Variants in COL11A1 observed in about 807,000 individuals in gnomAD.
COL11A1 encodes collagen alpha-1(XI) chain.
In COL11A1, 74 loss-of-function variants were observed where a neutral mutation model predicts 265.2. That is an observed-to-expected ratio of 0.28 (90% CI 0.23 to 0.34). The LOEUF (loss-of-function observed/expected upper bound fraction) is 0.34, where lower values mean the gene tolerates loss of function less well. Among genes scored for constraint, COL11A1 ranks in the 10% least tolerant of loss-of-function variants. The pLI is 1.00. For synonymous variants in COL11A1, 816 were observed against 727.6 expected, an observed-to-expected ratio of 1.12 and a Z score of -1.96; for missense variants, 2,165 against 2,263.6, an observed-to-expected ratio of 0.96 and a Z score of 0.88.
At chr1:102,920,896 T>C (rs1014460931) in intron 48 of COL11A1, among the ~76,000 whole-genome samples, 5 of 152,086 alleles carry the variant, frequency 3.3e-5, no homozygotes, top group African/African-American at 1.2e-4. Context: ...ACCAGAGACA[T>C]GAAGGAAACA....
intron 15 of COL11A1, 28 bp from the exon 16 acceptor site, chr1:103,006,343 T>G: frequency 1.3e-6 from 2 of 1,583,008 alleles, no homozygotes; most frequent in Non-Finnish European, 8.7e-7. Context: ...AATTAAACCA[T>G]ATTATAGAAT....
At chr1:102,884,179 T>C (rs1447041361) in intron 63 of COL11A1, among the ~76,000 whole-genome samples, 7 of 152,280 alleles carry the variant, frequency 4.6e-5, no homozygotes, top group Middle Eastern at 3.4e-3. Context: ...CTGTCTCTCA[T>C]CCCTCATTCT....
intron 30 of COL11A1, 66 bp from the exon 31 acceptor site, chr1:102,984,257 C>A: frequency 9.1e-7 from 1 of 1,094,910 alleles, no homozygotes; most frequent in Non-Finnish European, 1.3e-6. Context: ...ATAATGATTT[C>A]AATTTTTTTT....
intron 25 of COL11A1, among the ~76,000 whole-genome samples, 168 bp from the exon 26 acceptor site, chr1:102,997,292 A>G (rs999029897): frequency 5.3e-5 from 8 of 152,004 alleles, no homozygotes; most frequent in Non-Finnish European, 7.4e-5. Context: ...ATTGGAAACT[A>G]TGGCATTTGG....
intron 4 of COL11A1, among the ~76,000 whole-genome samples, chr1:103,033,251 TTTTA>T (rs1668121301): frequency 6.6e-6 from 1 of 152,064 alleles, no homozygotes; most frequent in Admixed American, 6.6e-5. Flanking sequence ...TTTGAGTTGT[TTTTA>T]TTTATTATTT....
intron 12 of COL11A1, among the ~76,000 whole-genome samples, chr1:103,015,178 G>T (rs1666458644): frequency 6.6e-6 from 1 of 151,862 alleles, no homozygotes; most frequent in African/African-American, 2.4e-5. Context: ...TTGAAACTTT[G>T]TTCATTACAT....
intron 20 of COL11A1, 30 bp downstream of exon 20, chr1:103,004,414 T>C (rs1665406414): frequency 2.6e-6 from 4 of 1,563,590 alleles, no homozygotes; most frequent in Non-Finnish European, 3.5e-6. Flanking sequence ...ACTAGAAATA[T>C]TACTTAAAAA....
chr1:103,086,782 G>A (rs957825529), intron 1 of COL11A1, among the ~76,000 whole-genome samples: 1 of 149,850 alleles, frequency 6.7e-6, no homozygotes, highest in Non-Finnish European at 1.5e-5. Context: ...TACAAGTAGA[G>A]ACATATAATA....
intron 46 of COL11A1, among the ~76,000 whole-genome samples, chr1:102,927,168 T>C (rs1201066875): frequency 6.6e-6 from 1 of 152,128 alleles, no homozygotes; most frequent in Non-Finnish European, 1.5e-5. Flanking sequence ...TTTATATAAA[T>C]TCAATTTACA....
At chr1:102,969,529 T>A (rs940076599) in intron 37 of COL11A1, among the ~76,000 whole-genome samples, 1 of 152,190 alleles carries the variant, frequency 6.6e-6, no homozygotes, top group African/African-American at 2.4e-5. Context: ...AGATGTCTGA[T>A]TTTGAAAGGG....
chr1:102,988,809 A>G (rs1452022854), intron 29 of COL11A1, among the ~76,000 whole-genome samples: 1 of 152,110 alleles, frequency 6.6e-6, no homozygotes, highest in Non-Finnish European at 1.5e-5. Flanking sequence ...CACAAGAAAA[A>G]TGTCTCTCTT....
chr1:103,093,287 T>C lies in COL11A1; in HGVS notation c.107-10315A>G, dbSNP rs1673472237. On this transcript the variant is annotated intron_variant, in intron 1 of 66. Coordinates refer to ENST00000370096, the MANE Select transcript of COL11A1 (RefSeq NM_001854.4). ...GGTTCGATAATTTTAGAAAGAGGTCTGCTTTAAAAATGTCAAGATAACAGG... is the reference window on the plus strand; with the variant it reads ...GGTTCGATAATTTTAGAAAGAGGTCCGCTTTAAAAATGTCAAGATAACAGG... Among the ~76,000 whole-genome samples, 3 of 152,122 alleles carry C rather than the reference T, an allele frequency of 2.0e-5. No individual in the cohort carries two copies. The South Asian group carries it at 6.2e-4, about 31-fold the overall frequency.
chr1:103,003,138 T>G, intron 21 of COL11A1, 77 bp downstream of exon 21: 1 of 1,454,808 alleles, frequency 6.9e-7, no homozygotes, highest in South Asian at 1.2e-5. Flanking sequence ...GGCTCTCTAC[T>G]GAGGGCTTTT....
intron 44 of COL11A1, among the ~76,000 whole-genome samples, chr1:102,937,792 C>A (rs1658301264): frequency 1.3e-5 from 2 of 152,130 alleles, no homozygotes; most frequent in South Asian, 2.1e-4. Flanking sequence ...AGCCAAGTAA[C>A]CCTATTTTCC....
At chr1:103,102,004 A>G (rs1674315317) in intron 1 of COL11A1, among the ~76,000 whole-genome samples, 1 of 152,024 alleles carries the variant, frequency 6.6e-6, no homozygotes, top group Non-Finnish European at 1.5e-5. Flanking sequence ...CCACTAGCCA[A>G]GTTAGTAGTA....
intron 21 of COL11A1, 113 bp from the exon 22 acceptor site, chr1:103,002,904 A>G: frequency 9.8e-7 from 1 of 1,024,884 alleles, no homozygotes; most frequent in Non-Finnish European, 1.5e-6. Flanking sequence ...ACTAAAAATC[A>G]TTTTAGGATT....
chr1:103,086,619 T>C (rs866931079), intron 1 of COL11A1, among the ~76,000 whole-genome samples: 1 of 152,094 alleles, frequency 6.6e-6, no homozygotes, highest in East Asian at 1.9e-4. Context: ...GGTTTCACAG[T>C]GTTAGCCAGG....
chr1:102,961,626 A>G, intron 41 of COL11A1: 1 of 452,850 alleles, frequency 2.2e-6, no homozygotes. Context: ...AACCGTAAGA[A>G]GCAAGATATC....
intron 57 of COL11A1, among the ~76,000 whole-genome samples, chr1:102,895,979 T>C (rs923211064): frequency 2.6e-5 from 4 of 151,912 alleles, no homozygotes; most frequent in African/African-American, 9.7e-5. Flanking sequence ...GAATATAAAA[T>C]TGATTGGTTT....
Sources: gnomAD v4.1 joint callset for allele counts (sites outside exome capture counted in the v4.1 genomes callset) on GRCh38, gnomAD v4.1.1 for gene constraint, MANE v1.5 for transcripts, NCBI Gene and HGNC (gene_info 2026-07-23, HGNC 2026-07-21) for gene names.